Variants in WBP4 observed in about 807,000 individuals in gnomAD.
WBP4 encodes WW domain-binding protein 4.
Under a neutral mutation model 55.4 loss-of-function variants are expected in WBP4, and 37 were observed. That is an observed-to-expected ratio of 0.67 (90% CI 0.51 to 0.88). The LOEUF is 0.88. Ranked by LOEUF, WBP4 falls within the 40% of genes least tolerant of loss-of-function variation. The pLI, the probability that WBP4 is intolerant of heterozygous loss-of-function variation, is 0.00. For missense variants in WBP4, 398 were observed against 420.8 expected (o/e 0.95, Z 0.47); for synonymous variants, 142 against 140.2 (o/e 1.01, Z -0.09).
Position 41,065,289 on chromosome 13 carries a change from TAAA to T in WBP4, c.262+21_262+23del, listed in dbSNP as rs58699334. 0.025 allele frequency: 30,704 copies of T among 1,219,678 alleles called. No homozygotes were observed. Among genetic ancestry groups the T allele is most frequent in the East Asian group, 0.063 (1,964 of 30,994 alleles). 75.6% of individuals were successfully genotyped at this position (1,219,678 alleles called of 1,614,324 possible). A position where few individuals can be genotyped will look rare whatever the true frequency, so the allele number is the denominator to read the frequency against. On this transcript the variant is annotated splice_donor_5th_base_variant and intron_variant, in intron 4 of 9. Coordinates refer to ENST00000379487, the MANE Select transcript of WBP4 (RefSeq NM_007187.5). ...TGAAAAGACTTGGCTTAGAGTCAGG[TAAA>T]AAAAAAAAAAAAAAAAAAGCAGCCA...
At chr13:41,081,933 G>T (rs921866952) in intron 9 of WBP4, among the ~76,000 whole-genome samples, 2 of 152,186 alleles carry the variant, frequency 1.3e-5, no homozygotes, top group Admixed American at 1.3e-4. Flanking sequence ...GATCTTTCCG[G>T]TCCATTTTCC....
At chr13:41,062,819 T>C in intron 2 of WBP4, 103 bp downstream of exon 2, 1 of 925,474 alleles carries the variant, frequency 1.1e-6, no homozygotes, top group Non-Finnish European at 1.6e-6. Flanking sequence ...TGTACATTGC[T>C]CTTGCATTTT....
chr13:41,072,779 T>C lies in WBP4; in HGVS notation c.487-3T>C, dbSNP rs569423292. 1 of 1,612,780 alleles carries C rather than the reference T, an allele frequency of 6.2e-7. No homozygotes were observed. Among genetic ancestry groups the C allele is most frequent in the South Asian group, 1.1e-5 (1 of 90,848 alleles). On this transcript the variant is annotated splice_region_variant and splice_polypyrimidine_tract_variant and intron_variant, in intron 6 of 9. Transcript: ENST00000379487. Reference sequence around the variant, plus strand: ...TTATGCTGGGTTTTTTTCCTCCTATTAGACAGCAGTGAAGACCGTTTGGGT... The same window carrying C: ...TTATGCTGGGTTTTTTTCCTCCTATCAGACAGCAGTGAAGACCGTTTGGGT...
rs997626169 is a variant in WBP4, at chr13:41,061,540, G to A, written c.-134G>A. 9 of 1,407,046 alleles carry A rather than the reference G, an allele frequency of 6.4e-6. No individual in the cohort carries two copies. The highest frequency in any genetic ancestry group is 2.3e-5 in the East Asian group (1 of 43,260). 87.2% of individuals were successfully genotyped at this position (1,407,046 alleles called of 1,614,324 possible). A position where few individuals can be genotyped will look rare whatever the true frequency, so the allele number is the denominator to read the frequency against. On this transcript the variant is annotated 5_prime_UTR_variant, in exon 1 of 10. Transcript: ENST00000379487. ...GGGAACAGCGGAACGCTGGTCCCGG[G>A]GACTGAGTAAGGTGTCTGGATCGGA...
chr13:41,080,047 A>C (rs1386078006), intron 8 of WBP4, among the ~76,000 whole-genome samples: 1 of 119,238 alleles, frequency 8.4e-6, no homozygotes, highest in East Asian at 2.9e-4. Flanking sequence ...ACTAATAGAC[A>C]GTGGAGACCA....
At chr13:41,077,149 A>G (rs1015745744) in intron 8 of WBP4, among the ~76,000 whole-genome samples, 43 of 152,322 alleles carry the variant, frequency 2.8e-4, no homozygotes, top group African/African-American at 9.4e-4. Context: ...TATTCCAGGG[A>G]TGAAAGGATG....
At chr13:41,076,307 T>C in intron 8 of WBP4, 70 bp downstream of exon 8, 1 of 1,179,246 alleles carries the variant, frequency 8.5e-7, no homozygotes, top group East Asian at 2.7e-5. Flanking sequence ...TGAGATGGAG[T>C]CTTGTTCTGT....
At position 41,061,538 on chromosome 13, in the gene WBP4, G is replaced by C. The variant is rs956355475; in HGVS notation, c.-136G>C. On this transcript the variant is annotated 5_prime_UTR_variant, in exon 1 of 10. Coordinates refer to ENST00000379487, the MANE Select transcript of WBP4 (RefSeq NM_007187.5). Reference sequence around the variant, plus strand: ...TTGGGAACAGCGGAACGCTGGTCCCGGGGACTGAGTAAGGTGTCTGGATCG... The same window carrying C: ...TTGGGAACAGCGGAACGCTGGTCCCCGGGACTGAGTAAGGTGTCTGGATCG... 32 of 1,392,468 alleles carry C rather than the reference G, an allele frequency of 2.3e-5. No individual in the cohort carries two copies. Among genetic ancestry groups the C allele is most frequent in the African/African-American group, 2.0e-4 (14 of 71,014 alleles). The allele number at this position is 1,392,468 out of a possible 1,614,324, so 86.3% of individuals were successfully genotyped here.
chr13:41,062,573 CTG>C, intron 1 of WBP4, 69 bp from the exon 2 acceptor site: 1 of 1,421,728 alleles, frequency 7.0e-7, no homozygotes, highest in Non-Finnish European at 9.8e-7. Context: ...ACTTTAAAAA[CTG>C]TAAAGCATGC....
chr13:41,072,271 G>A (rs1235131780), intron 6 of WBP4, among the ~76,000 whole-genome samples: 1 of 152,090 alleles, frequency 6.6e-6, no homozygotes, highest in African/African-American at 2.4e-5. Flanking sequence ...ATACCCAGGT[G>A]TATTAGTCAG....
chr13:41,066,821 C>T (rs1040481818), intron 4 of WBP4, among the ~76,000 whole-genome samples: 6 of 152,088 alleles, frequency 3.9e-5, no homozygotes, highest in African/African-American at 1.4e-4. Context: ...TCTGTAGGTT[C>T]AGTTTCTGGA....
Position 41,072,818 on chromosome 13 carries a change from G to A in WBP4, c.523G>A (p.Glu175Lys). The change falls in exon 7 of 10, where the codon GAA becomes AAA. Residue 175 changes from glutamate (E) to lysine (K), a missense_variant. Coordinates refer to ENST00000379487, the MANE Select transcript of WBP4 (RefSeq NM_007187.5). Reference protein sequence around the residue: ...VKTVWVEGLSEDGFTYYYNTE... With the variant: ...VKTVWVEGLSKDGFTYYYNTE... ...GACCGTTTGGGTAGAAGGTTTAAGTGAAGATGGTTTTACCTATTACTATAA... is the reference window on the plus strand; with the variant it reads ...GACCGTTTGGGTAGAAGGTTTAAGTAAAGATGGTTTTACCTATTACTATAA... 1 of 1,613,688 alleles carries A rather than the reference G, an allele frequency of 6.2e-7. No individual in the cohort carries two copies. Among genetic ancestry groups the A allele is most frequent in the Non-Finnish European group, 8.5e-7 (1 of 1,179,774 alleles).
chr13:41,061,912 C>A (rs865827603), intron 1 of WBP4, among the ~76,000 whole-genome samples: 2 of 151,852 alleles, frequency 1.3e-5, no homozygotes, highest in Non-Finnish European at 2.9e-5. Flanking sequence ...GGCCGGCGGC[C>A]GGTTCAGGGG....
In WBP4 at chr13:41,082,739, A is replaced by G. The variant is rs1461935751; in HGVS notation, c.956A>G (p.Asn319Ser). Residue 319 changes from asparagine (N) to serine (S), a missense_variant, in exon 10 of 10, where the codon AAT becomes AGT. Asn to Ser is a conservative substitution (Grantham distance 46). Coordinates refer to ENST00000379487, the MANE Select transcript of WBP4 (RefSeq NM_007187.5). Reference sequence around the variant, plus strand: ...GATTTGGAACTTCCAAGCACTGAAAATGAGTATGTATCAACTTCAGAAGCT... The same window carrying G: ...GATTTGGAACTTCCAAGCACTGAAAGTGAGTATGTATCAACTTCAGAAGCT... ...EVDLELPSTE[N>S]EYVSTSEADG... The G allele has an allele frequency of 2.5e-6, 4 of 1,614,074 alleles. No homozygotes were observed. The South Asian group carries it at 3.3e-5, about 13-fold the overall frequency.
At chr13:41,076,015 A>G (rs1038723193) in intron 7 of WBP4, 29 bp from the exon 8 acceptor site, 3 of 1,595,792 alleles carry the variant, frequency 1.9e-6, no homozygotes, top group Non-Finnish European at 2.6e-6. Flanking sequence ...TAATAACTAA[A>G]TAACATGACT....
At chr13:41,062,098 T>TTG (rs1877686453) in intron 1 of WBP4, 1 of 411,920 alleles carries the variant, frequency 2.4e-6, no homozygotes, top group Admixed American at 8.2e-5. Flanking sequence ...GCGTAATGGT[T>TTG]TTTTTTTTTT....
rs866073591 is a variant in WBP4, at chr13:41,080,902, G to A, written c.920+93G>A. The A allele has an allele frequency of 7.4e-6, 10 of 1,358,910 alleles. No homozygotes were observed. In the Middle Eastern group the frequency reaches 1.8e-3, roughly 249 times the overall value. 84.2% of individuals were successfully genotyped at this position (1,358,910 alleles called of 1,614,324 possible). A position where few individuals can be genotyped will look rare whatever the true frequency, so the allele number is the denominator to read the frequency against. ...TGCAGTAAGTAATTTCAAGGATGCT[G>A]TGCTTATTAAAAGTATAGCTTGAGG... is the stretch of plus-strand genomic sequence containing the variant. On this transcript the variant is annotated intron_variant, in intron 9 of 9. Transcript: ENST00000379487.
At position 41,076,247 on chromosome 13, in the gene WBP4, T is replaced by C. The variant is rs1337243234; in HGVS notation, c.756+10T>C. 2 of 1,550,282 alleles carry C rather than the reference T, an allele frequency of 1.3e-6. No homozygotes were observed. The highest frequency in any genetic ancestry group is 1.7e-6 in the Non-Finnish European group (2 of 1,156,736). ...AAAAATAAAGTTTAAGGTAGGTTTT[T>C]AAATTTTACTCTTCACATCAAATTT... is the stretch of plus-strand genomic sequence containing the variant. On this transcript the variant is annotated intron_variant, in intron 8 of 9. Transcript: ENST00000379487.
intron 2 of WBP4, among the ~76,000 whole-genome samples, chr13:41,063,594 CTCTT>C (rs1221962315): frequency 2.0e-5 from 3 of 152,074 alleles, no homozygotes; most frequent in South Asian, 4.1e-4. Context: ...CTTAAAGTCT[CTCTT>C]TCTTGGAGGT....
Sources: gnomAD v4.1 joint callset for allele counts (sites outside exome capture counted in the v4.1 genomes callset) on GRCh38, gnomAD v4.1.1 for gene constraint, MANE v1.5 for transcripts, NCBI Gene and HGNC (gene_info 2026-07-23, HGNC 2026-07-21) for gene names.